The following MINDY3 variants were observed in gnomAD, a reference collection of about 807,000 sequenced individuals.
MINDY3 encodes ubiquitin carboxyl-terminal hydrolase MINDY-3.
A neutral mutation model predicts 69.2 loss-of-function variants in MINDY3; 38 were observed. That is an observed-to-expected ratio of 0.55 (90% CI 0.42 to 0.72). MINDY3 has a LOEUF of 0.72. Ranked by LOEUF, MINDY3 falls within the 30% of genes least tolerant of loss-of-function variation. The pLI, the probability that MINDY3 is intolerant of heterozygous loss-of-function variation, is 0.00. For missense variants in MINDY3, 522 were observed against 519.0 expected, an observed-to-expected ratio of 1.01 and a Z score of -0.06; for synonymous variants, 192 against 180.1, an observed-to-expected ratio of 1.07 and a Z score of -0.53.
At position 15,828,285 on chromosome 10, in the gene MINDY3, T is replaced by G. The variant is rs185604031; in HGVS notation, c.730+5345A>C. Among the ~76,000 whole-genome samples, 12 of 152,286 alleles carry G rather than the reference T, an allele frequency of 7.9e-5. No individual in the cohort carries two copies. The East Asian group carries it at 2.3e-3, about 29-fold the overall frequency. ...GGTACATGCTAAAACATGGTCACCTTGAAAATATTATACTAAGTGAAATCA... is the reference window on the plus strand; with the variant it reads ...GGTACATGCTAAAACATGGTCACCTGGAAAATATTATACTAAGTGAAATCA... On this transcript the variant is annotated intron_variant, in intron 8 of 14. Coordinates refer to ENST00000277632, the MANE Select transcript of MINDY3 (RefSeq NM_024948.4).
intron 8 of MINDY3, among the ~76,000 whole-genome samples, chr10:15,829,082 C>A (rs1376806080): frequency 6.6e-6 from 1 of 152,088 alleles, no homozygotes; most frequent in African/African-American, 2.4e-5. Context: ...TTTACAGAAG[C>A]AAGAACATGT....
At chr10:15,849,134 C>T (rs1055450852) in intron 1 of MINDY3, among the ~76,000 whole-genome samples, 2 of 152,170 alleles carry the variant, frequency 1.3e-5, no homozygotes, top group Non-Finnish European at 2.9e-5. Flanking sequence ...TACAGAAAGG[C>T]ATGCTCTATA....
intron 9 of MINDY3, among the ~76,000 whole-genome samples, chr10:15,820,447 T>C (rs968392143): frequency 6.6e-6 from 1 of 152,124 alleles, no homozygotes; most frequent in African/African-American, 2.4e-5. Context: ...CACATCCCAC[T>C]TGCCCCACCC....
chr10:15,852,087 CCTAT>C (rs1683430549), intron 1 of MINDY3, among the ~76,000 whole-genome samples: 1 of 152,158 alleles, frequency 6.6e-6, no homozygotes, highest in Admixed American at 6.5e-5. Context: ...TCCTTACAAA[CCTAT>C]CTAAGTAGTC....
intron 1 of MINDY3, among the ~76,000 whole-genome samples, chr10:15,850,170 T>C (rs1474088334): frequency 6.6e-6 from 1 of 152,264 alleles, no homozygotes; most frequent in Non-Finnish European, 1.5e-5. Flanking sequence ...TATAATTTCC[T>C]ATGCCTGTCT....
At chr10:15,779,199 G>A in intron 14 of MINDY3, 58 bp from the exon 15 acceptor site, 4 of 1,502,612 alleles carry the variant, frequency 2.7e-6, no homozygotes, top group East Asian at 2.3e-5. Context: ...ATTCTTATGT[G>A]GAATGAAAAC....
At chr10:15,813,978 C>CAAAAAA (rs777561427) in intron 10 of MINDY3, among the ~76,000 whole-genome samples, 15 of 66,256 alleles carry the variant, frequency 2.3e-4, no homozygotes, top group Non-Finnish European at 3.2e-4. Flanking sequence ...CACCAAAACT[C>CAAAAAA]AAAAAAAAAA....
At chr10:15,837,871 T>C in intron 5 of MINDY3, 2 of 947,854 alleles carry the variant, frequency 2.1e-6, no homozygotes, top group African/African-American at 1.8e-5. Flanking sequence ...ATAAAAGGTA[T>C]AGAAAACAGA....
In MINDY3 at chr10:15,778,795, G is replaced by T; in HGVS notation, c.*197C>A. The T allele has an allele frequency of 2.1e-6, 1 of 467,192 alleles. No individual in the cohort carries two copies. Among genetic ancestry groups the T allele is most frequent in the Non-Finnish European group, 3.7e-6 (1 of 272,548 alleles). The allele number at this position is 467,192 out of a possible 1,614,324, so 28.9% of individuals were successfully genotyped here. On this transcript the variant is annotated 3_prime_UTR_variant, in exon 15 of 15. Transcript: ENST00000277632. ...TTGCTAGTAAATTTCACACGAAGGG[G>T]TAAAATAGGATAATCTTTAACATAA...
At chr10:15,853,321 G>A (rs566613844) in intron 1 of MINDY3, among the ~76,000 whole-genome samples, 4 of 152,160 alleles carry the variant, frequency 2.6e-5, no homozygotes, top group East Asian at 3.9e-4. Flanking sequence ...CTTTCAGGGG[G>A]CCCACTGGAA....
intron 1 of MINDY3, among the ~76,000 whole-genome samples, chr10:15,857,248 T>C (rs1310053442): frequency 6.6e-6 from 1 of 152,178 alleles, no homozygotes. Context: ...TTGTTCTGCC[T>C]GGAGCACTCT....
At chr10:15,800,262 T>C (rs940828695) in intron 10 of MINDY3, among the ~76,000 whole-genome samples, 1 of 152,064 alleles carries the variant, frequency 6.6e-6, no homozygotes, top group Non-Finnish European at 1.5e-5. Context: ...AAATCTATTA[T>C]AAAAAGTTAA....
At chr10:15,784,620 C>T (rs112661578) in intron 13 of MINDY3, among the ~76,000 whole-genome samples, 3 of 152,232 alleles carry the variant, frequency 2.0e-5, no homozygotes, top group African/African-American at 7.2e-5. Context: ...ATATGTAGTC[C>T]CAGCTACACA....
At position 15,834,527 on chromosome 10, in the gene MINDY3, G is replaced by T. The variant is rs1389436603; in HGVS notation, c.650+16C>A. ...CTGGAGTTCACATGAGGAGACAAGA[G>T]ATTTTAGTTAATTACCTGCCATGTC... On this transcript the variant is annotated intron_variant, in intron 7 of 14. Transcript: ENST00000277632. 5 of 1,579,768 alleles carry T rather than the reference G, an allele frequency of 3.2e-6. No homozygotes were observed. The highest frequency in any genetic ancestry group is 4.3e-6 in the Non-Finnish European group (5 of 1,153,016).
intron 11 of MINDY3, among the ~76,000 whole-genome samples, chr10:15,794,867 C>G (rs1747302928): frequency 6.6e-6 from 1 of 152,006 alleles, no homozygotes. Flanking sequence ...CTTACAACAT[C>G]AGCCTTCTAA....
intron 10 of MINDY3, among the ~76,000 whole-genome samples, chr10:15,806,385 C>T (rs1209514684): frequency 6.6e-6 from 1 of 152,062 alleles, no homozygotes; most frequent in Admixed American, 6.6e-5. Context: ...CTACTCAATA[C>T]CAATAATTTA....
At chr10:15,859,213 A>T (rs1319135701) in intron 1 of MINDY3, among the ~76,000 whole-genome samples, 1 of 152,148 alleles carries the variant, frequency 6.6e-6, no homozygotes, top group Admixed American at 6.5e-5. Flanking sequence ...GTAAATCCTG[A>T]ATTTTTGTTA....
At position 15,799,009 on chromosome 10, in the gene MINDY3, C is replaced by A. The variant is rs147685594; in HGVS notation, c.883-2837G>T. ...TTGGCAAGCATTTTTCTGTAATGGG[C>A]CACAGAGTAAATTTTTATAGTAAAT... is the stretch of plus-strand genomic sequence containing the variant. On this transcript the variant is annotated intron_variant, in intron 10 of 14. Transcript: ENST00000277632. Among the ~76,000 whole-genome samples the A allele has an allele frequency of 5.3e-5, 8 of 151,826 alleles. No homozygotes were observed. In the East Asian group the frequency reaches 1.6e-3, roughly 30 times the overall value.
intron 8 of MINDY3, among the ~76,000 whole-genome samples, chr10:15,831,569 C>T (rs992342656): frequency 3.3e-5 from 5 of 152,052 alleles, no homozygotes; most frequent in African/African-American, 7.2e-5. Flanking sequence ...GGAACAAAAA[C>T]GACATATGTG....
Sources: allele counts gnomAD v4.1 joint callset (sites outside exome capture counted in the v4.1 genomes callset), GRCh38; gene constraint gnomAD v4.1.1; transcripts MANE v1.5; gene names NCBI Gene and HGNC (gene_info 2026-07-23, HGNC 2026-07-21).